The following PCDHGA2 variants were observed in gnomAD, a reference collection of about 807,000 sequenced individuals.
PCDHGA2 encodes protocadherin gamma subfamily A, 2, also known as protocadherin gamma-A2.
A neutral mutation model predicts 59.2 loss-of-function variants in PCDHGA2; 40 were observed. That is an observed-to-expected ratio of 0.68 (90% CI 0.52 to 0.88). The LOEUF (loss-of-function observed/expected upper bound fraction) is 0.88, where lower values mean the gene tolerates loss of function less well. Ranked by LOEUF, PCDHGA2 falls within the 40% of genes least tolerant of loss-of-function variation. The probability of loss-of-function intolerance (pLI) is 0.00; values close to 1 mark genes in which losing one functional copy is unlikely to be tolerated. For synonymous variants in PCDHGA2, 560 were observed against 526.0 expected (o/e 1.06, Z -0.89); for missense variants, 1,226 against 1,204.0 (o/e 1.02, Z -0.27).
intron 1 of PCDHGA2, among the ~76,000 whole-genome samples, chr5:141,464,417 A>C (rs2099083685): frequency 6.6e-6 from 1 of 151,564 alleles, no homozygotes; most frequent in African/African-American, 2.4e-5. Flanking sequence ...ATATATATCT[A>C]TATATATAGA....
intron 1 of PCDHGA2, chr5:141,479,772 G>A (rs904607838): frequency 1.3e-5 from 2 of 152,192 alleles, no homozygotes; most frequent in Non-Finnish European, 2.9e-5. Flanking sequence ...CATATCCTTA[G>A]ACAGGTAAAG....
intron 1 of PCDHGA2, chr5:141,400,024 G>C (rs2093943300): frequency 6.2e-7 from 1 of 1,612,894 alleles, no homozygotes; most frequent in Non-Finnish European, 8.5e-7. Flanking sequence ...CGACAGGGAC[G>C]CGGCCCGCCA....
Position 141,491,543 on chromosome 5 carries a change from A to G in PCDHGA2, c.2425-3264A>G. 6.2e-7 allele frequency: 1 copy of G among 1,613,842 alleles called. No individual in the cohort carries two copies. The highest frequency in any genetic ancestry group is 8.5e-7 in the Non-Finnish European group (1 of 1,179,982). ...ATGGAGGTGACGCTGCGGCCCACAG[A>G]CTCGCAGAGCCACTGCTACAGGACG... On this transcript the variant is annotated intron_variant, in intron 1 of 3. Coordinates refer to ENST00000394576, the MANE Select transcript of PCDHGA2 (RefSeq NM_018915.4). The surrounding 1 kb of genome is among the most constrained non-coding windows in gnomAD (Gnocchi z 6.9).
In PCDHGA2 at chr5:141,338,908, A is replaced by C; in HGVS notation, c.-64A>C. The C allele has an allele frequency of 6.7e-7, 1 of 1,500,500 alleles. No individual in the cohort carries two copies. Among genetic ancestry groups the C allele is most frequent in the East Asian group, 2.3e-5 (1 of 43,198 alleles). The allele number at this position is 1,500,500 out of a possible 1,614,324, so 92.9% of individuals were successfully genotyped here. On this transcript the variant is annotated 5_prime_UTR_variant, in exon 1 of 4. Transcript: ENST00000394576. ...TGCTGGTTATCTCACACCCTGAGGA[A>C]TAAAGATTGGAATCCGCACTGGATG... is the stretch of plus-strand genomic sequence containing the variant.
At chr5:141,457,071 C>T in intron 1 of PCDHGA2, among the ~76,000 whole-genome samples, 1 of 152,188 alleles carries the variant, frequency 6.6e-6, no homozygotes, top group Non-Finnish European at 1.5e-5. Context: ...TTGCCAGTAA[C>T]TATTATCCCT....
intron 1 of PCDHGA2, chr5:141,365,241 T>C: frequency 6.2e-7 from 1 of 1,614,002 alleles, no homozygotes; most frequent in Non-Finnish European, 8.5e-7. Context: ...ATCTCAACTC[T>C]ACAATCACTG....
At chr5:141,395,102 G>A (rs766050798) in intron 1 of PCDHGA2, 2 of 1,614,172 alleles carry the variant, frequency 1.2e-6, no homozygotes, top group East Asian at 2.2e-5. Flanking sequence ...CCGCCGACTC[G>A]CGGAAGAGTC....
chr5:141,408,506 T>C, intron 1 of PCDHGA2: 2 of 1,614,010 alleles, frequency 1.2e-6, no homozygotes, highest in Non-Finnish European at 1.7e-6. Flanking sequence ...GAGAAGAAGA[T>C]GTGAGTTGCA....
At chr5:141,497,461 A>G (rs541848982) in intron 2 of PCDHGA2, among the ~76,000 whole-genome samples, 2 of 151,526 alleles carry the variant, frequency 1.3e-5, no homozygotes, top group Admixed American at 1.3e-4. Context: ...GCTCTTGGAG[A>G]TATGGAGGAG....
At chr5:141,374,613 A>G (rs1770655332) in intron 1 of PCDHGA2, 1 of 1,613,396 alleles carries the variant, frequency 6.2e-7, no homozygotes, top group African/African-American at 1.3e-5. Flanking sequence ...GGTAATAGTC[A>G]CTTCTCAGTG....
At position 141,432,459 on chromosome 5, in the gene PCDHGA2, T is replaced by A. The variant is rs1230209932; in HGVS notation, c.2425-62348T>A. The A allele has an allele frequency of 1.2e-6, 2 of 1,613,984 alleles. No homozygotes were observed. Among genetic ancestry groups the A allele is most frequent in the South Asian group, 1.1e-5 (1 of 91,082 alleles). ...GCGCCCGAGATCCTGTACCCCGCCCTCCCCACGGACGGTTCCACTGGCGTG... is the reference window on the plus strand; with the variant it reads ...GCGCCCGAGATCCTGTACCCCGCCCACCCCACGGACGGTTCCACTGGCGTG... On this transcript the variant is annotated intron_variant, in intron 1 of 3. Transcript: ENST00000394576. The surrounding 1 kb of genome is among the most constrained non-coding windows in gnomAD (Gnocchi z 6.0).
At chr5:141,352,421 G>A (rs1759008102) in intron 1 of PCDHGA2, 2 of 1,613,902 alleles carry the variant, frequency 1.2e-6, no homozygotes, top group Admixed American at 1.7e-5. Flanking sequence ...CGACACTGAG[G>A]GCTGCTTTCA....
Position 141,485,298 on chromosome 5 carries a change from G to A in PCDHGA2, c.2425-9509G>A, listed in dbSNP as rs1562104502. 1 of 1,613,978 alleles carries A rather than the reference G, an allele frequency of 6.2e-7. No individual in the cohort carries two copies. On this transcript the variant is annotated intron_variant, in intron 1 of 3. Coordinates refer to ENST00000394576, the MANE Select transcript of PCDHGA2 (RefSeq NM_018915.4). This position sits in a 1 kb window ranked among gnomAD's most constrained non-coding sequence, Gnocchi z 5.7. ...CCGGTCCCAGAGGAGTCACAGGAAG[G>A]GACTTTTGTAGGGAATGTCGCTCAA...
At chr5:141,380,666 A>G (rs1338427097) in intron 1 of PCDHGA2, among the ~76,000 whole-genome samples, 1 of 152,250 alleles carries the variant, frequency 6.6e-6, no homozygotes, top group African/African-American at 2.4e-5. Flanking sequence ...CATTTACTCC[A>G]TAGGGTATGT....
intron 1 of PCDHGA2, chr5:141,427,255 G>C (rs1369151995): frequency 2.2e-6 from 1 of 456,746 alleles, no homozygotes; most frequent in Non-Finnish European, 4.4e-6. Flanking sequence ...GATGGTGGAG[G>C]CATGACCAGC....
In PCDHGA2 at chr5:141,477,053, G is replaced by A; in HGVS notation, c.2425-17754G>A. On this transcript the variant is annotated intron_variant, in intron 1 of 3. Transcript: ENST00000394576. This position sits in a 1 kb window ranked among gnomAD's most constrained non-coding sequence, Gnocchi z 4.9. ...GACAATCAAGGGTCGGCTGGACTTC[G>A]AGGACACCAAACTCCATGAGATTTA... The A allele has an allele frequency of 1.9e-6, 3 of 1,614,230 alleles. No homozygotes were observed. The highest frequency in any genetic ancestry group is 2.5e-6 in the Non-Finnish European group (3 of 1,180,032).
chr5:141,422,472 G>A lies in PCDHGA2; in HGVS notation c.2425-72335G>A, dbSNP rs772474296. On this transcript the variant is annotated intron_variant, in intron 1 of 3. Transcript: ENST00000394576. ...CAAGCAGAGTGCTGGACAGGGAGTTGGTCCAGAGCTACAATATAACGTTGA... is the reference window on the plus strand; with the variant it reads ...CAAGCAGAGTGCTGGACAGGGAGTTAGTCCAGAGCTACAATATAACGTTGA... 75 of 1,613,562 alleles carry A rather than the reference G, an allele frequency of 4.6e-5. 3 individuals are homozygous for A. In the South Asian group the frequency reaches 8.1e-4, roughly 17 times the overall value.
chr5:141,397,223 T>G (rs144227558), intron 1 of PCDHGA2, among the ~76,000 whole-genome samples: 2 of 152,186 alleles, frequency 1.3e-5, no homozygotes, highest in Admixed American at 6.5e-5. Context: ...TATTTTGAGA[T>G]ATGAAGAAGA....
At chr5:141,357,135 C>A in intron 1 of PCDHGA2, 1 of 1,613,504 alleles carries the variant, frequency 6.2e-7, no homozygotes, top group Non-Finnish European at 8.5e-7. Context: ...TTGTAGTGGT[C>A]GTCCAGGACC....
Sources: allele counts gnomAD v4.1 joint callset (sites outside exome capture counted in the v4.1 genomes callset), GRCh38; gene constraint gnomAD v4.1.1; non-coding constraint Gnocchi (gnomAD v3.1); transcripts MANE v1.5; gene names NCBI Gene and HGNC (gene_info 2026-07-23, HGNC 2026-07-21).